Variants in PCDHGA4 observed in about 807,000 individuals in gnomAD.
PCDHGA4 encodes protocadherin gamma subfamily A, 4.
PCDHGA4 carries 38 observed loss-of-function variants against 54.6 expected under a neutral mutation model. The observed-to-expected ratio is 0.70, with a 90% CI of 0.54 to 0.91. PCDHGA4 has a LOEUF of 0.91. Ranked by LOEUF, PCDHGA4 falls within the 40% of genes least tolerant of loss-of-function variation. The pLI is 0.00. For synonymous variants in PCDHGA4, 511 were observed against 512.9 expected, an observed-to-expected ratio of 1.00 and a Z score of 0.05; for missense variants, 1,298 against 1,220.9, an observed-to-expected ratio of 1.06 and a Z score of -0.94.
intron 1 of PCDHGA4, chr5:141,414,961 G>T: frequency 6.2e-7 from 1 of 1,614,028 alleles, no homozygotes; most frequent in South Asian, 1.1e-5. Flanking sequence ...GACCAAGGTG[G>T]TGGCGGTGGA....
intron 1 of PCDHGA4, chr5:141,417,615 A>G (rs908930043): frequency 3.2e-6 from 2 of 629,140 alleles, no homozygotes; most frequent in Non-Finnish European, 5.1e-6. Flanking sequence ...CGGCCAGTGC[A>G]GAGCAAGCGC....
At chr5:141,383,287 G>T (rs753501762) in intron 1 of PCDHGA4, 3 of 1,613,916 alleles carry the variant, frequency 1.9e-6, no homozygotes, top group Non-Finnish European at 1.7e-6. Flanking sequence ...TAATGACAAC[G>T]TTCCAAGATT....
intron 1 of PCDHGA4, chr5:141,427,356 G>A (rs1295421809): frequency 8.7e-6 from 4 of 457,618 alleles, no homozygotes; most frequent in Non-Finnish European, 1.8e-5. Context: ...AACTGAGGAC[G>A]CAGAACCCTG....
chr5:141,415,134 C>T (rs760482028), intron 1 of PCDHGA4: 10 of 1,613,552 alleles, frequency 6.2e-6, no homozygotes, highest in South Asian at 3.3e-5. Context: ...TCCAGGACCA[C>T]GGCCAGCCCC....
At chr5:141,439,077 C>T (rs978045948) in intron 1 of PCDHGA4, among the ~76,000 whole-genome samples, 1 of 151,492 alleles carries the variant, frequency 6.6e-6, no homozygotes, top group Non-Finnish European at 1.5e-5. Flanking sequence ...CCTGTAATCC[C>T]AGCTACTCAG....
intron 1 of PCDHGA4, chr5:141,390,888 G>A (rs1420100403): frequency 6.7e-6 from 1 of 149,538 alleles, no homozygotes; most frequent in African/African-American, 2.4e-5. Context: ...GTGTGTGTGT[G>A]AGAGAGATCC....
intron 1 of PCDHGA4, among the ~76,000 whole-genome samples, chr5:141,470,014 A>G (rs1394478856): frequency 6.6e-6 from 1 of 152,200 alleles, no homozygotes; most frequent in Non-Finnish European, 1.5e-5. Flanking sequence ...CTGTAATCCC[A>G]GCTACTCGGG....
chr5:141,463,927 A>G (rs1454864391), intron 1 of PCDHGA4, among the ~76,000 whole-genome samples: 1 of 152,206 alleles, frequency 6.6e-6, no homozygotes, highest in Non-Finnish European at 1.5e-5. Flanking sequence ...AAATCATTCT[A>G]TATAAATTTA....
chr5:141,418,527 G>A, intron 1 of PCDHGA4: 2 of 1,614,018 alleles, frequency 1.2e-6, no homozygotes, highest in South Asian at 1.1e-5. Flanking sequence ...CCTCCCCGAA[G>A]CGGTACTGCT....
intron 1 of PCDHGA4, chr5:141,394,190 G>A (rs1370592594): frequency 1.9e-6 from 3 of 1,613,800 alleles, no homozygotes; most frequent in African/African-American, 1.3e-5. Context: ...CCTACTCAGC[G>A]TATATCCTAG....
At chr5:141,444,813 T>A (rs1382814369) in intron 1 of PCDHGA4, among the ~76,000 whole-genome samples, 3 of 152,228 alleles carry the variant, frequency 2.0e-5, no homozygotes, top group African/African-American at 4.8e-5. Flanking sequence ...AATAGCACAC[T>A]GTCTCAATTA....
intron 1 of PCDHGA4, chr5:141,395,370 G>A (rs377682598): frequency 1.7e-6 from 2 of 1,207,198 alleles, no homozygotes; most frequent in South Asian, 1.7e-5. Flanking sequence ...GTTTATTTTG[G>A]TGGTGTTACT....
Position 141,485,422 on chromosome 5 carries a change from C to G in PCDHGA4, c.2515-9385C>G, listed in dbSNP as rs775279056. 6.2e-7 allele frequency: 1 copy of G among 1,614,130 alleles called. No homozygotes were observed. Among genetic ancestry groups the G allele is most frequent in the East Asian group, 2.2e-5 (1 of 44,872 alleles). ...TCCGTGTGGATTTGGACAGCGGAGC[C>G]CTGCTCATCAAGAACCCAATCGACC... On this transcript the variant is annotated intron_variant, in intron 1 of 3. Transcript: ENST00000571252. The surrounding 1 kb of genome is among the most constrained non-coding windows in gnomAD (Gnocchi z 5.7).
chr5:141,389,838 C>T (rs1156714079), intron 1 of PCDHGA4: 3 of 1,614,028 alleles, frequency 1.9e-6, no homozygotes, highest in Non-Finnish European at 2.5e-6. Context: ...ACAGCCACCA[C>T]TCTCGGCCAC....
intron 1 of PCDHGA4, chr5:141,418,890 G>A (rs1449142412): frequency 1.9e-6 from 3 of 1,613,934 alleles, no homozygotes; most frequent in Non-Finnish European, 2.5e-6. Flanking sequence ...AACGACAACA[G>A]CCCAGAAATA....
chr5:141,419,681 G>T (rs377117997), intron 1 of PCDHGA4: 89 of 1,612,904 alleles, frequency 5.5e-5, no homozygotes, highest in Non-Finnish European at 7.0e-5. Flanking sequence ...GTCCTACCAC[G>T]TGGTGCAGGC....
At position 141,355,286 on chromosome 5, in the gene PCDHGA4, A is replaced by G. The variant is rs1466642176; in HGVS notation, c.179A>G (p.Glu60Gly). 1 of 1,613,786 alleles carries G rather than the reference A, an allele frequency of 6.2e-7. No individual in the cohort carries two copies. Among genetic ancestry groups the G allele is most frequent in the Admixed American group, 1.7e-5 (1 of 60,026 alleles). The change falls in exon 1 of 4, where the codon GAA becomes GGA. Residue 60 changes from glutamate to glycine, a missense_variant. Coordinates refer to ENST00000571252, the MANE Select transcript of PCDHGA4 (RefSeq NM_018917.4). ...LLGVLVEIRA[E>G]QILYSVFEEQ... ...GGGGTTCTGGTGGAAATCAGGGCCG[A>G]ACAGATTCTCTACTCGGTGTTTGAG...
At chr5:141,463,653 G>T (rs1378583183) in intron 1 of PCDHGA4, among the ~76,000 whole-genome samples, 1 of 151,764 alleles carries the variant, frequency 6.6e-6, no homozygotes. Context: ...GGGTTTCACC[G>T]TGTTAGCCAG....
At chr5:141,361,625 A>AGCC (rs747981041) in intron 1 of PCDHGA4, 1 of 1,613,928 alleles carries the variant, frequency 6.2e-7, no homozygotes, top group African/African-American at 1.3e-5. Context: ...AGCGACCTGA[A>AGCC]GCCGCGGGAG....
Sources: allele counts gnomAD v4.1 joint callset (sites outside exome capture counted in the v4.1 genomes callset), GRCh38; gene constraint gnomAD v4.1.1; non-coding constraint Gnocchi (gnomAD v3.1); transcripts MANE v1.5; gene names NCBI Gene and HGNC (gene_info 2026-07-23, HGNC 2026-07-21).